The following TUSC3 variants were observed in gnomAD, a reference collection of about 807,000 sequenced individuals.
TUSC3 encodes the protein tumor suppressor candidate 3.
Under a neutral mutation model 44.8 loss-of-function variants are expected in TUSC3, and 45 were observed. The observed-to-expected ratio is 1.00, with a 90% confidence interval of 0.79 to 1.29. The LOEUF is 1.29. TUSC3 is among the 50% of genes most tolerant of loss of function. The probability of loss-of-function intolerance (pLI) is 0.00; values close to 1 mark genes in which losing one functional copy is unlikely to be tolerated. For synonymous variants in TUSC3, 212 were observed against 152.9 expected, an observed-to-expected ratio of 1.39 and a Z score of -2.85; for missense variants, 519 against 437.9, an observed-to-expected ratio of 1.19 and a Z score of -1.65.
At chr8:15,834,588 T>C in the TUSC3 span, among the ~76,000 whole-genome samples, 1 of 152,186 alleles carries the variant, frequency 6.6e-6, no homozygotes, top group African/African-American at 2.4e-5. Context: ...ATTATATGCC[T>C]TTTTAGCAGC....
chr8:15,724,401 C>G (rs192561173), intron 6 of TUSC3, among the ~76,000 whole-genome samples: 126 of 152,178 alleles, frequency 8.3e-4, no homozygotes, highest in African/African-American at 3.0e-3. Context: ...ATCAGGAAAA[C>G]TAGGGCTCTT....
chr8:15,730,087 A>G (rs1231235331), intron 6 of TUSC3, among the ~76,000 whole-genome samples: 2 of 152,152 alleles, frequency 1.3e-5, no homozygotes, highest in East Asian at 3.9e-4. Flanking sequence ...ATGGGAATCA[A>G]TTTAGAAGCC....
chr8:15,821,163 A>G, the TUSC3 span, among the ~76,000 whole-genome samples: 4 of 152,158 alleles, frequency 2.6e-5, no homozygotes, highest in Non-Finnish European at 5.9e-5. Flanking sequence ...TGATGTATAT[A>G]TAATTCTGGG....
At chr8:15,459,445 C>G (rs1449764740) in intron 1 of TUSC3, among the ~76,000 whole-genome samples, 1 of 151,928 alleles carries the variant, frequency 6.6e-6, no homozygotes, top group Non-Finnish European at 1.5e-5. Context: ...AAAAATAAAG[C>G]AAGAATCCTG....
intron 1 of TUSC3, among the ~76,000 whole-genome samples, chr8:15,575,404 A>G (rs986971873): frequency 2.6e-5 from 4 of 152,174 alleles, no homozygotes; most frequent in Admixed American, 6.5e-5. Context: ...ATATTAAACT[A>G]AATATCTAAC....
chr8:15,497,264 T>C (rs1053190288), intron 2 of TUSC3, among the ~76,000 whole-genome samples: 3 of 152,202 alleles, frequency 2.0e-5, no homozygotes, highest in African/African-American at 7.2e-5. Context: ...CAAGTCCCAA[T>C]TCCCACCGGG....
At chr8:15,504,230 G>A (rs930820793) in intron 2 of TUSC3, among the ~76,000 whole-genome samples, 1 of 152,008 alleles carries the variant, frequency 6.6e-6, no homozygotes, top group African/African-American at 2.4e-5. Context: ...AATTTTGAGA[G>A]CCTCCGTTTC....
the TUSC3 span, among the ~76,000 whole-genome samples, chr8:15,809,334 A>G: frequency 6.6e-6 from 1 of 152,192 alleles, no homozygotes; most frequent in Non-Finnish European, 1.5e-5. Flanking sequence ...CTGAAAAACT[A>G]CATGATTGCT....
intron 7 of TUSC3, among the ~76,000 whole-genome samples, chr8:15,741,865 A>G (rs1387195249): frequency 6.6e-6 from 1 of 152,194 alleles, no homozygotes; most frequent in Non-Finnish European, 1.5e-5. Context: ...AAGGATCCAT[A>G]TCAGTCACAT....
intron 1 of TUSC3, among the ~76,000 whole-genome samples, chr8:15,430,079 A>G (rs1265405387): frequency 6.6e-6 from 1 of 151,392 alleles, no homozygotes; most frequent in Non-Finnish European, 1.5e-5. Context: ...TCCTTCTGAA[A>G]CTATTCCAAT....
intron 1 of TUSC3, among the ~76,000 whole-genome samples, chr8:15,446,008 G>A (rs1800092184): frequency 1.3e-5 from 2 of 151,854 alleles, no homozygotes; most frequent in South Asian, 2.1e-4. Context: ...TCACTTCCCA[G>A]ACGGGCCGGC....
chr8:15,748,435 T>G lies in TUSC3; in HGVS notation c.998T>G (p.Phe333Cys), dbSNP rs768630757. 6.2e-7 allele frequency: 1 copy of G among 1,613,438 alleles called. No individual in the cohort carries two copies. Among genetic ancestry groups the G allele is most frequent in the Non-Finnish European group, 8.5e-7 (1 of 1,179,530 alleles). ...VFFFSFLLSI[F>C]RSKYHGYPYS... ...TTCTTCAGTTTTCTACTTTCAATATTTCGTTCCAAGTACCACGGCTATCCT... is the reference window on the plus strand; with the variant it reads ...TTCTTCAGTTTTCTACTTTCAATATGTCGTTCCAAGTACCACGGCTATCCT... Residue 333 changes from phenylalanine to cysteine, a missense_variant, in exon 9 of 11, where the codon TTT becomes TGT. By Grantham distance (205) the Phe-to-Cys change is radical. Coordinates refer to ENST00000503731, the MANE Select transcript of TUSC3 (RefSeq NM_006765.4).
chr8:15,502,063 G>A (rs1365658569), intron 2 of TUSC3, among the ~76,000 whole-genome samples: 1 of 151,960 alleles, frequency 6.6e-6, no homozygotes, highest in Non-Finnish European at 1.5e-5. Flanking sequence ...CATCACTTAT[G>A]TGTTATCACC....
chr8:15,813,001 C>A, the TUSC3 span, among the ~76,000 whole-genome samples: 1 of 151,804 alleles, frequency 6.6e-6, no homozygotes, highest in Admixed American at 6.6e-5. Flanking sequence ...GGCTGAGGCA[C>A]AAGAATCGCT....
intron 1 of TUSC3, among the ~76,000 whole-genome samples, chr8:15,584,759 A>G (rs1189241880): frequency 6.6e-6 from 1 of 152,152 alleles, no homozygotes; most frequent in Admixed American, 6.5e-5. Flanking sequence ...AACAGGATTC[A>G]TTGACACAGG....
chr8:15,773,577 A>T, the TUSC3 span, among the ~76,000 whole-genome samples: 1 of 152,270 alleles, frequency 6.6e-6, no homozygotes, highest in Admixed American at 6.5e-5. Context: ...TTTTTGCAAA[A>T]ATAAGAAAGC....
intron 1 of TUSC3, among the ~76,000 whole-genome samples, chr8:15,568,840 T>C (rs984489567): frequency 2.6e-5 from 4 of 152,152 alleles, no homozygotes; most frequent in Admixed American, 1.3e-4. Flanking sequence ...TTTCACACTT[T>C]TTTCCATTTT....
At chr8:15,648,547 A>G (rs1246387196) in intron 2 of TUSC3, among the ~76,000 whole-genome samples, 1 of 151,666 alleles carries the variant, frequency 6.6e-6, no homozygotes, top group Non-Finnish European at 1.5e-5. Context: ...TAAGACGGTG[A>G]AACCCTGTTT....
At chr8:15,761,075 C>A (rs1259937605) in intron 10 of TUSC3, among the ~76,000 whole-genome samples, 4 of 152,172 alleles carry the variant, frequency 2.6e-5, no homozygotes, top group Non-Finnish European at 4.4e-5. Flanking sequence ...ATCTAGTACA[C>A]AATGGTTGTT....
Sources: allele counts gnomAD v4.1 joint callset (sites outside exome capture counted in the v4.1 genomes callset), GRCh38; gene constraint gnomAD v4.1.1; transcripts MANE v1.5; gene names NCBI Gene and HGNC (gene_info 2026-07-23, HGNC 2026-07-21).